The following HERC2 variants were observed in gnomAD, a reference collection of about 807,000 sequenced individuals.
The protein encoded by HERC2 is HECT and RLD domain containing E3 ubiquitin protein ligase 2.
HERC2 carries 102 observed loss-of-function variants against 537.7 expected under a neutral mutation model. The ratio of observed to expected loss-of-function variants is 0.19; its 90% confidence interval spans 0.16 to 0.22. HERC2 has a LOEUF of 0.22. Among genes scored for constraint, HERC2 ranks in the 10% least tolerant of loss-of-function variants. HERC2 has a pLI of 1.00. For synonymous variants in HERC2, 2,224 were observed against 2,466.2 expected, an observed-to-expected ratio of 0.90 and a Z score of 2.91; for missense variants, 4,236 against 6,198.2, an observed-to-expected ratio of 0.68 and a Z score of 10.63.
chr15:28,208,866 A>G (rs574583513), intron 44 of HERC2, among the ~76,000 whole-genome samples: 2 of 152,312 alleles, frequency 1.3e-5, no homozygotes, highest in Non-Finnish European at 2.9e-5. Context: ...CCCAGAGGAC[A>G]AAGAGAGCCA....
At chr15:28,194,129 G>A (rs150661322) in intron 52 of HERC2, among the ~76,000 whole-genome samples, 11,449 of 149,586 alleles carry the variant, frequency 0.077, 1,500 homozygotes, top group African/African-American at 0.27. Context: ...GCAGTGGCAC[G>A]ATCTCGGCTC....
At chr15:28,126,545 T>C (rs1388743334) in intron 83 of HERC2, among the ~76,000 whole-genome samples, 2 of 152,216 alleles carry the variant, frequency 1.3e-5, no homozygotes, top group Admixed American at 6.5e-5. Context: ...GGAATACTAC[T>C]AGCCATAAAA....
chr15:28,125,252 G>A (rs1053653430), intron 83 of HERC2, 59 bp from the exon 84 acceptor site: 1 of 1,396,108 alleles, frequency 7.2e-7, no homozygotes, highest in African/African-American at 1.4e-5. Context: ...ACGCATGGCT[G>A]CCAGTGTCTT....
intron 52 of HERC2, among the ~76,000 whole-genome samples, chr15:28,194,052 T>G (rs920100946): frequency 1.3e-5 from 2 of 151,222 alleles, no homozygotes; most frequent in Non-Finnish European, 2.9e-5. Flanking sequence ...CCACATGTAT[T>G]GTTTGATCCT....
chr15:28,258,797 T>C (rs769216244), intron 16 of HERC2, among the ~76,000 whole-genome samples: 2 of 152,160 alleles, frequency 1.3e-5, no homozygotes, highest in African/African-American at 2.4e-5. Flanking sequence ...AACGAAAAGA[T>C]TGTTCTTTGA....
chr15:28,207,131 G>C (rs1898565114), intron 44 of HERC2, among the ~76,000 whole-genome samples: 1 of 141,758 alleles, frequency 7.1e-6, no homozygotes. Context: ...TTCTGCACTT[G>C]GTCTGATTCT....
chr15:28,297,938 G>C (rs1162555416), intron 3 of HERC2, among the ~76,000 whole-genome samples: 1 of 149,108 alleles, frequency 6.7e-6, no homozygotes, highest in African/African-American at 2.5e-5. Flanking sequence ...GCAGGATGTG[G>C]AGCCAAATAC....
intron 15 of HERC2, among the ~76,000 whole-genome samples, chr15:28,262,691 C>T (rs2075447594): frequency 6.6e-6 from 1 of 152,228 alleles, no homozygotes; most frequent in South Asian, 2.1e-4. Context: ...GTTTAAATTA[C>T]ATTTCAGTCA....
At chr15:28,115,342 A>G (rs1206124453) in intron 89 of HERC2, 87 bp downstream of exon 89, 2 of 781,248 alleles carry the variant, frequency 2.6e-6, no homozygotes, top group Non-Finnish European at 4.1e-6. Context: ...AGATTAGGCC[A>G]GAGTTCACAG....
At position 28,233,568 on chromosome 15, in the gene HERC2, A is replaced by G; in HGVS notation, c.4352-7T>C. On this transcript the variant is annotated splice_polypyrimidine_tract_variant and splice_region_variant and intron_variant, in intron 28 of 92. Transcript: ENST00000261609. ...AAAGATAATGCCACATGACCTGTAA[A>G]AAGACATTTAAAAGAAGGGCAGGGA... 2 of 1,613,698 alleles carry G rather than the reference A, an allele frequency of 1.2e-6. No homozygotes were observed. The highest frequency in any genetic ancestry group is 1.7e-6 in the Non-Finnish European group (2 of 1,179,648).
chr15:28,115,203 T>G, intron 89 of HERC2: 2 of 520,620 alleles, frequency 3.8e-6, no homozygotes, highest in East Asian at 3.0e-5. Context: ...GGGGAGGCAG[T>G]GAGCTTCCTT....
intron 78 of HERC2, 150 bp from the exon 79 acceptor site, chr15:28,135,842 C>CT: frequency 1.6e-6 from 1 of 607,070 alleles, no homozygotes; most frequent in Non-Finnish European, 2.9e-6. Flanking sequence ...AAGTTTATGC[C>CT]TTTATACATG....
intron 70 of HERC2, among the ~76,000 whole-genome samples, chr15:28,146,914 G>A (rs1325722164): frequency 7.6e-6 from 1 of 131,386 alleles, no homozygotes; most frequent in Non-Finnish European, 1.6e-5. Flanking sequence ...AAGGAGGGAA[G>A]AAGGAGGGAC....
chr15:28,246,148 G>A, intron 22 of HERC2, 82 bp from the exon 23 acceptor site: 1 of 842,854 alleles, frequency 1.2e-6, no homozygotes. Context: ...TTTAAATTCT[G>A]CTAAGTCACA....
intron 4 of HERC2, among the ~76,000 whole-genome samples, chr15:28,285,980 A>G (rs531770742): frequency 1.3e-5 from 2 of 152,170 alleles, no homozygotes; most frequent in Non-Finnish European, 1.5e-5. Context: ...CCAAATATAA[A>G]ATAGATCATT....
intron 2 of HERC2, among the ~76,000 whole-genome samples, chr15:28,301,725 GTATGTATGTGTATATATATA>G (rs2076630600): frequency 2.6e-5 from 1 of 39,042 alleles, no homozygotes; most frequent in African/African-American, 1.3e-4. Flanking sequence ...CACACTAGTT[GTATGTATGTGTATATATATA>G]TATATATATA....
chr15:28,205,308 T>C (rs1898321355), intron 45 of HERC2, among the ~76,000 whole-genome samples: 1 of 18,272 alleles, frequency 5.5e-5, no homozygotes, highest in Non-Finnish European at 1.4e-4. Flanking sequence ...GCTCAGCGTC[T>C]TCTTTTGATC....
At position 28,246,102 on chromosome 15, in the gene HERC2, T is replaced by C. The variant is rs200866686; in HGVS notation, c.3392-36A>G. The stretch of plus-strand genomic sequence containing the variant: ...GAAATAATAAGATTTAAATAAGTAT[T>C]TATCCTATAAAAGCTATTTGTAAAC... On this transcript the variant is annotated intron_variant, in intron 22 of 92. Coordinates refer to ENST00000261609, the MANE Select transcript of HERC2 (RefSeq NM_004667.6). 72 of 1,370,724 alleles carry C rather than the reference T, an allele frequency of 5.3e-5. No individual in the cohort carries two copies. In the African/African-American group the frequency reaches 9.6e-4, roughly 18 times the overall value. 84.9% of individuals were successfully genotyped at this position (1,370,724 alleles called of 1,614,324 possible).
chr15:28,114,679 T>C lies in HERC2; in HGVS notation c.13846A>G (p.Ser4616Gly), dbSNP rs925951937. 1.4e-5 allele frequency: 22 copies of C among 1,613,830 alleles called. No individual in the cohort carries two copies. The highest frequency in any genetic ancestry group is 1.9e-5 in the Non-Finnish European group (22 of 1,180,016). ...AGGGTGATGTGTGTGTGCTTGGAGCTCAACTGAATGTCCTGGCCACTGGCA... is the reference window on the plus strand; with the variant it reads ...AGGGTGATGTGTGTGTGCTTGGAGCCCAACTGAATGTCCTGGCCACTGGCA... ...PSASGQDIQL[S>G]SKHTHITLDN... is the part of the protein sequence containing the mutation. Residue 4616 changes from serine to glycine, a missense_variant, in exon 90 of 93, where the codon AGC (serine) becomes GGC (glycine). Around this residue, in one of 27 missense-constraint regions of HERC2, gnomAD observed 313 missense variants for 462.6 expected, o/e 0.68. Transcript: ENST00000261609.
Sources: gnomAD v4.1 joint callset for allele counts (sites outside exome capture counted in the v4.1 genomes callset) on GRCh38, gnomAD v4.1.1 for gene constraint, gnomAD v4.1.1 regional missense constraint, MANE v1.5 for transcripts, NCBI Gene and HGNC (gene_info 2026-07-23, HGNC 2026-07-21) for gene names.